Variants in ASB15 observed in about 807,000 individuals in gnomAD.
ASB15 encodes ankyrin repeat and SOCS box protein 15.
Under a neutral mutation model 58.0 loss-of-function variants are expected in ASB15, and 54 were observed. The observed-to-expected ratio is 0.93, with a 90% CI of 0.75 to 1.17. The LOEUF (loss-of-function observed/expected upper bound fraction) is 1.17. Ranked by LOEUF, ASB15 falls within the 50% of genes most tolerant of loss-of-function variation. ASB15 has a pLI of 0.00. For missense variants in ASB15, 680 were observed against 707.4 expected, an observed-to-expected ratio of 0.96 and a Z score of 0.44; for synonymous variants, 249 against 262.4, an observed-to-expected ratio of 0.95 and a Z score of 0.50.
chr7:123,593,338 C>G (rs903802219), intron 1 of ASB15, among the ~76,000 whole-genome samples: 1 of 151,970 alleles, frequency 6.6e-6, no homozygotes, highest in Non-Finnish European at 1.5e-5. Context: ...TTATTTTGCC[C>G]GTTAATTGAT....
intron 1 of ASB15, among the ~76,000 whole-genome samples, chr7:123,587,036 G>T (rs1245641633): frequency 6.6e-6 from 1 of 151,538 alleles, no homozygotes; most frequent in Non-Finnish European, 1.5e-5. Flanking sequence ...TCTCAAGATT[G>T]ATTTAGCCAT....
upstream of ASB15, among the ~76,000 whole-genome samples, chr7:123,598,595 T>C (rs1799774780): frequency 6.6e-6 from 1 of 152,226 alleles, no homozygotes. Flanking sequence ...CAGAAATAAC[T>C]GCGAACCCAT....
chr7:123,576,927 C>G lies in ASB15; in HGVS notation c.-443+9839C>G, dbSNP rs571768335. ...TTACTTTATTCTTCTTGTCATTCTC[C>G]GTGTTGCTTATGCACAAATTTTCAG... On this transcript the variant is annotated intron_variant, in intron 1 of 13. Transcript: ENST00000451558. 2.0e-5 allele frequency among the ~76,000 whole-genome samples: 3 copies of G among 152,144 alleles called. No individual in the cohort carries two copies. In the East Asian group the frequency reaches 5.8e-4, roughly 29 times the overall value.
At chr7:123,609,026 A>G (rs1241736276) in intron 3 of ASB15, 1 of 151,688 alleles carries the variant, frequency 6.6e-6, no homozygotes, top group African/African-American at 2.4e-5. Flanking sequence ...CTCTGATAGG[A>G]TAAATCCTGA....
intron 7 of ASB15, among the ~76,000 whole-genome samples, chr7:123,618,848 T>C (rs1051498042): frequency 2.1e-5 from 3 of 145,516 alleles, no homozygotes; most frequent in African/African-American, 7.4e-5. Flanking sequence ...TTTGATGGCA[T>C]TGATTCAACA....
chr7:123,572,291 G>A (rs1283286074), intron 1 of ASB15, among the ~76,000 whole-genome samples: 3 of 151,320 alleles, frequency 2.0e-5, no homozygotes, highest in African/African-American at 4.9e-5. Flanking sequence ...GTAGGCACGC[G>A]CCACCATGCC....
In ASB15 at chr7:123,638,284, T is replaced by A. The variant is rs1292814263; in HGVS notation, c.*1303T>A. 6.6e-6 allele frequency: 1 copy of A among 152,192 alleles called. No homozygotes were observed. The highest frequency in any genetic ancestry group is 1.5e-5 in the Non-Finnish European group (1 of 68,030). The allele number at this position is 152,192 out of a possible 1,614,324, so 9.4% of individuals were successfully genotyped here. ...TCCAAAGTTCTTACTTGAACTTTCA[T>A]GATCTAACTCCTGCCTTCTTCTTTA... On this transcript the variant is annotated 3_prime_UTR_variant, in exon 12 of 12. Coordinates refer to ENST00000451215, the MANE Select transcript of ASB15 (RefSeq NM_001290258.2).
At chr7:123,624,481 T>C in intron 7 of ASB15, 88 bp from the exon 8 acceptor site, 1 of 1,290,588 alleles carries the variant, frequency 7.7e-7, no homozygotes, top group Non-Finnish European at 1.1e-6. Flanking sequence ...TAGTATCTAT[T>C]TCAATATTAA....
chr7:123,592,969 A>G (rs186287353), intron 1 of ASB15, among the ~76,000 whole-genome samples: 10 of 151,986 alleles, frequency 6.6e-5, no homozygotes, highest in African/African-American at 2.2e-4. Flanking sequence ...TTGGGTGCAT[A>G]TATATTTAGG....
At chr7:123,619,624 A>C (rs543065776) in intron 7 of ASB15, among the ~76,000 whole-genome samples, 12 of 152,212 alleles carry the variant, frequency 7.9e-5, no homozygotes, top group East Asian at 7.8e-4. Flanking sequence ...CCCGGGTTCA[A>C]GCCATTCTGC....
chr7:123,622,831 G>C (rs1468704196), intron 7 of ASB15: 1 of 152,170 alleles, frequency 6.6e-6, no homozygotes, highest in Non-Finnish European at 1.5e-5. Context: ...TCAGAGAGAG[G>C]CATTTGTCAA....
chr7:123,620,497 CATATACATACAT>C (rs1270172203), intron 7 of ASB15, among the ~76,000 whole-genome samples: 37 of 66,252 alleles, frequency 5.6e-4, no homozygotes, highest in Non-Finnish European at 7.7e-4. Context: ...TAATGTGACA[CATATACATACAT>C]ATATATATAT....
At chr7:123,630,214 C>G (rs917292883) in intron 11 of ASB15, 95 bp downstream of exon 11, 2 of 892,258 alleles carry the variant, frequency 2.2e-6, no homozygotes, top group African/African-American at 1.7e-5. Flanking sequence ...CTATGCTACT[C>G]TACTGTATTT....
chr7:123,617,767 T>C lies in ASB15; in HGVS notation c.451+30T>C, dbSNP rs539651699. The stretch of plus-strand genomic sequence containing the variant: ...ATGACCTTTTTTTCTAGAACTTTTA[T>C]AGTTTGAAACAAAGAATAAGTATTT... On this transcript the variant is annotated intron_variant, in intron 7 of 11. Transcript: ENST00000451215. 17 of 1,567,702 alleles carry C rather than the reference T, an allele frequency of 1.1e-5. No individual in the cohort carries two copies. In the Admixed American group the frequency reaches 1.9e-4, roughly 18 times the overall value.
In ASB15 at chr7:123,601,858, C is replaced by T. The variant is rs2116409725; in HGVS notation, c.-301C>T. 6.6e-6 allele frequency: 1 copy of T among 152,168 alleles called. No homozygotes were observed. The highest frequency in any genetic ancestry group is 1.9e-4 in the East Asian group (1 of 5,186). The allele number at this position is 152,168 out of a possible 1,614,324, so 9.4% of individuals were successfully genotyped here. On this transcript the variant is annotated 5_prime_UTR_variant, in exon 1 of 12. Coordinates refer to ENST00000451215, the MANE Select transcript of ASB15 (RefSeq NM_001290258.2). ...GCACACATTGGCTCCAGGGCACTTC[C>T]TCTGATTTAGGAAGGCAAGTCCCTG...
At chr7:123,608,393 T>C (rs1800254283) in intron 2 of ASB15, among the ~76,000 whole-genome samples, 1 of 152,242 alleles carries the variant, frequency 6.6e-6, no homozygotes, top group South Asian at 2.1e-4. Context: ...ATATCATGTT[T>C]AGTTTCTACA....
chr7:123,573,079 G>C (rs540572288), intron 1 of ASB15, among the ~76,000 whole-genome samples: 15 of 151,918 alleles, frequency 9.9e-5, no homozygotes, highest in Non-Finnish European at 1.9e-4. Context: ...CAAAGATTTA[G>C]TATGCTCTAA....
At chr7:123,588,954 T>G in intron 1 of ASB15, among the ~76,000 whole-genome samples, 1 of 151,906 alleles carries the variant, frequency 6.6e-6, no homozygotes, top group Non-Finnish European at 1.5e-5. Flanking sequence ...TTCAATCTAG[T>G]TAAATTTCTT....
intron 1 of ASB15, among the ~76,000 whole-genome samples, chr7:123,594,185 T>A (rs765781743): frequency 2.6e-5 from 4 of 152,104 alleles, no homozygotes; most frequent in Non-Finnish European, 4.4e-5. Context: ...TCCTCTAACC[T>A]TTTTTCAAGG....
Sources: gnomAD v4.1 joint callset for allele counts (sites outside exome capture counted in the v4.1 genomes callset) on GRCh38, gnomAD v4.1.1 for gene constraint, MANE v1.5 for transcripts, NCBI Gene and HGNC (gene_info 2026-07-23, HGNC 2026-07-21) for gene names.